GTF2IRD1: variants seen among roughly 807,000 people sequenced by gnomAD.
GTF2IRD1 encodes the protein GTF2I repeat domain containing 1.
A neutral mutation model predicts 113.2 loss-of-function variants in GTF2IRD1; 26 were observed. The ratio of observed to expected loss-of-function variants is 0.23; its 90% CI spans 0.17 to 0.32. The LOEUF is 0.32. GTF2IRD1 is among the 10% of genes least tolerant of loss of function. GTF2IRD1 has a pLI of 1.00. For synonymous variants in GTF2IRD1, 484 were observed against 529.1 expected, an observed-to-expected ratio of 0.91 and a Z score of 1.17; for missense variants, 864 against 1,280.8, an observed-to-expected ratio of 0.67 and a Z score of 4.97.
At chr7:74,500,439 GA>G (rs1230482488) in intron 1 of GTF2IRD1, among the ~76,000 whole-genome samples, 6 of 148,948 alleles carry the variant, frequency 4.0e-5, no homozygotes, top group African/African-American at 9.8e-5. Context: ...AAAAAAAAAA[GA>G]AAAAAAATTT....
chr7:74,573,804 C>T (rs1177179720), intron 22 of GTF2IRD1, among the ~76,000 whole-genome samples: 1 of 152,104 alleles, frequency 6.6e-6, no homozygotes, highest in Non-Finnish European at 1.5e-5. Flanking sequence ...CTCTAAGAAC[C>T]TTCGTGTCAT....
intron 25 of GTF2IRD1, 115 bp downstream of exon 25, chr7:74,595,166 G>A (rs779011044): frequency 8.0e-6 from 5 of 623,306 alleles, no homozygotes; most frequent in Admixed American, 7.6e-5. Flanking sequence ...AGCACTTTGG[G>A]AGGCCGAGGC....
At chr7:74,510,122 G>A (rs1554342491) in intron 2 of GTF2IRD1, among the ~76,000 whole-genome samples, 1 of 151,960 alleles carries the variant, frequency 6.6e-6, no homozygotes, top group Admixed American at 6.6e-5. Context: ...CTGGAAAAGG[G>A]GCTGGGTGCC....
chr7:74,464,738 G>A (rs996798040), intron 1 of GTF2IRD1, among the ~76,000 whole-genome samples: 2 of 152,172 alleles, frequency 1.3e-5, no homozygotes, highest in Admixed American at 6.5e-5. Context: ...ATGAGCACAA[G>A]CCACCGCGCC....
intron 7 of GTF2IRD1, among the ~76,000 whole-genome samples, chr7:74,521,995 G>A (rs145592893): frequency 1.1e-4 from 16 of 152,178 alleles, no homozygotes; most frequent in African/African-American, 2.6e-4. Context: ...ACGGCTGTTC[G>A]TAGGAGGCCT....
At chr7:74,592,370 G>T (rs1445825345) in intron 24 of GTF2IRD1, among the ~76,000 whole-genome samples, 7 of 151,650 alleles carry the variant, frequency 4.6e-5, no homozygotes, top group African/African-American at 1.7e-4. Flanking sequence ...CTCCCAAAGT[G>T]CTGGGATTAC....
intron 22 of GTF2IRD1, among the ~76,000 whole-genome samples, chr7:74,575,486 C>A (rs1005255745): frequency 1.3e-5 from 2 of 152,236 alleles, no homozygotes; most frequent in African/African-American, 4.8e-5. Flanking sequence ...CTTGTTTTAA[C>A]AGAATCCCTC....
chr7:74,504,853 G>A (rs923818820), intron 1 of GTF2IRD1, among the ~76,000 whole-genome samples: 1 of 151,170 alleles, frequency 6.6e-6, no homozygotes, highest in South Asian at 2.1e-4. Context: ...GATTACAGGC[G>A]CCCGCCACCA....
intron 14 of GTF2IRD1, among the ~76,000 whole-genome samples, chr7:74,541,911 AATAGATAGATAGATAG>A (rs58094935): frequency 1.5e-4 from 23 of 150,150 alleles, no homozygotes; most frequent in African/African-American, 5.4e-4. Context: ...AAAATAACTA[AATAGATAGATAGATAG>A]ATAGATAGAT....
In GTF2IRD1 at chr7:74,580,453, G is replaced by T. The variant is rs587608742; in HGVS notation, c.2321-9398G>T. ...AACTAGGCGGGGAGAGTCAGGGCTG[G>T]CCAGGGCTCTTGCACTTTGCCCCGA... On this transcript the variant is annotated intron_variant, in intron 22 of 26. Coordinates refer to ENST00000424337, the MANE Select transcript of GTF2IRD1 (RefSeq NM_005685.4). 7.2e-4 allele frequency among the ~76,000 whole-genome samples: 110 copies of T among 152,270 alleles called. 1 individual carries two copies. The highest frequency in any genetic ancestry group is 2.4e-3 in the African/African-American group (100 of 41,574).
At chr7:74,574,945 C>T (rs912134100) in intron 22 of GTF2IRD1, among the ~76,000 whole-genome samples, 67 of 152,030 alleles carry the variant, frequency 4.4e-4, no homozygotes, top group African/African-American at 1.6e-3. Flanking sequence ...AAAAAATTAG[C>T]CCAGCATCAT....
chr7:74,515,647 C>T (rs782067517), intron 4 of GTF2IRD1, 51 bp downstream of exon 4: 15 of 1,544,166 alleles, frequency 9.7e-6, no homozygotes, highest in East Asian at 4.5e-5. Context: ...GTGGGAGCCT[C>T]GGTCCCCACC....
intron 1 of GTF2IRD1, among the ~76,000 whole-genome samples, chr7:74,489,597 C>T (rs1554336264): frequency 1.3e-5 from 2 of 152,172 alleles, no homozygotes; most frequent in African/African-American, 4.8e-5. Context: ...CCCACCTTGG[C>T]CTCCCAAAGT....
intron 19 of GTF2IRD1, among the ~76,000 whole-genome samples, chr7:74,557,051 G>C (rs1347050998): frequency 6.6e-5 from 10 of 152,120 alleles, no homozygotes; most frequent in Admixed American, 6.5e-4. Flanking sequence ...GGCCAGCCTG[G>C]GCAACATGGC....
chr7:74,456,269 G>A (rs1295156280), intron 1 of GTF2IRD1, among the ~76,000 whole-genome samples: 6 of 152,164 alleles, frequency 3.9e-5, no homozygotes, highest in Admixed American at 3.3e-4. Context: ...TGGATGGTGG[G>A]TGATGGCTTG....
intron 22 of GTF2IRD1, among the ~76,000 whole-genome samples, chr7:74,562,711 G>T (rs759681906): frequency 6.6e-6 from 1 of 151,902 alleles, no homozygotes; most frequent in East Asian, 1.9e-4. Context: ...GAGATTATAG[G>T]CGTGTGCCAC....
Position 74,511,694 on chromosome 7 carries a change from C to T in GTF2IRD1, c.124-1136C>T, listed in dbSNP as rs950626025. ...TATGGCCCAGAGAGGTTACCTGTCCCAGGCCACGCAGCACAGAACTGCGTT... is the reference window on the plus strand; with the variant it reads ...TATGGCCCAGAGAGGTTACCTGTCCTAGGCCACGCAGCACAGAACTGCGTT... On this transcript the variant is annotated intron_variant, in intron 2 of 26. Coordinates refer to ENST00000424337, the MANE Select transcript of GTF2IRD1 (RefSeq NM_005685.4). Among the ~76,000 whole-genome samples the T allele has an allele frequency of 7.9e-5, 12 of 152,318 alleles. No homozygotes were observed. In the East Asian group the frequency reaches 1.9e-3, roughly 25 times the overall value.
At chr7:74,519,786 C>T in intron 6 of GTF2IRD1, 67 bp downstream of exon 6, 5 of 1,197,128 alleles carry the variant, frequency 4.2e-6, no homozygotes, top group Non-Finnish European at 5.9e-6. Flanking sequence ...AGGGGACAGC[C>T]TCCCAGGGCA....
intron 8 of GTF2IRD1, among the ~76,000 whole-genome samples, chr7:74,524,492 CGGT>C (rs1797481591): frequency 6.6e-6 from 1 of 151,776 alleles, no homozygotes; most frequent in Admixed American, 6.6e-5. Flanking sequence ...TGGGAGGCCA[CGGT>C]GGGAGGATCA....
Sources: allele counts gnomAD v4.1 joint callset (sites outside exome capture counted in the v4.1 genomes callset), GRCh38; gene constraint gnomAD v4.1.1; transcripts MANE v1.5; gene names NCBI Gene and HGNC (gene_info 2026-07-23, HGNC 2026-07-21).